SCAF8: variants seen among roughly 807,000 people sequenced by gnomAD.
SCAF8 encodes the protein SR-related CTD associated factor 8.
In SCAF8, 23 loss-of-function variants were observed where a neutral mutation model predicts 140.5. The ratio of observed to expected loss-of-function variants is 0.16; its 90% CI spans 0.12 to 0.23. SCAF8 has a LOEUF of 0.23. SCAF8 is among the 10% of genes least tolerant of loss of function. The probability of loss-of-function intolerance (pLI) is 1.00; values close to 1 mark genes in which losing one functional copy is unlikely to be tolerated. For synonymous variants in SCAF8, 575 were observed against 528.9 expected (o/e 1.09, Z -1.20); for missense variants, 1,397 against 1,555.7 (o/e 0.90, Z 1.72).
chr6:154,778,600 A>T (rs1018971288), intron 3 of SCAF8, among the ~76,000 whole-genome samples: 2 of 152,152 alleles, frequency 1.3e-5, no homozygotes, highest in African/African-American at 4.8e-5. Flanking sequence ...CTGTGTGTTT[A>T]CTAAAAGTAC....
At chr6:154,766,346 A>G (rs1159015070) in intron 1 of SCAF8, among the ~76,000 whole-genome samples, 1 of 152,136 alleles carries the variant, frequency 6.6e-6, no homozygotes, top group Admixed American at 6.6e-5. Context: ...CATTTCTCTA[A>G]AAATGTTTCT....
chr6:154,735,012 T>C (rs1327730481), intron 1 of SCAF8, among the ~76,000 whole-genome samples: 1 of 151,600 alleles, frequency 6.6e-6, no homozygotes, highest in Non-Finnish European at 1.5e-5. Flanking sequence ...TAATCCCAGC[T>C]ACTTAGGAGG....
At chr6:154,815,300 A>T (rs181239759) in intron 12 of SCAF8, among the ~76,000 whole-genome samples, 52 of 152,324 alleles carry the variant, frequency 3.4e-4, no homozygotes, top group African/African-American at 1.1e-3. Flanking sequence ...CCGTCTCAAA[A>T]AAATAAATAA....
At chr6:154,749,092 GC>G (rs1290209837) in intron 1 of SCAF8, among the ~76,000 whole-genome samples, 2 of 152,038 alleles carry the variant, frequency 1.3e-5, no homozygotes, top group African/African-American at 4.8e-5. Flanking sequence ...TGGGCATGGC[GC>G]CACCATCCTT....
chr6:154,778,477 T>C (rs1776979197), intron 3 of SCAF8, among the ~76,000 whole-genome samples: 1 of 152,152 alleles, frequency 6.6e-6, no homozygotes, highest in Non-Finnish European at 1.5e-5. Flanking sequence ...AAATATAGTA[T>C]TGATAGGCTG....
chr6:154,744,662 A>G (rs1778652324), intron 1 of SCAF8, among the ~76,000 whole-genome samples: 1 of 152,146 alleles, frequency 6.6e-6, no homozygotes, highest in South Asian at 2.1e-4. Flanking sequence ...GTAAAGGGGA[A>G]CCATCATTCA....
intron 1 of SCAF8, among the ~76,000 whole-genome samples, chr6:154,770,033 A>G (rs183012509): frequency 6.6e-6 from 1 of 152,256 alleles, no homozygotes; most frequent in Admixed American, 6.5e-5. Context: ...GAAGACGGGC[A>G]TACCGGTAGA....
chr6:154,734,846 C>T (rs995694751), intron 1 of SCAF8, among the ~76,000 whole-genome samples: 3 of 152,210 alleles, frequency 2.0e-5, no homozygotes, highest in Admixed American at 2.0e-4. Context: ...TAATTATGGC[C>T]GGGAACAGTG....
intron 1 of SCAF8, among the ~76,000 whole-genome samples, chr6:154,747,896 C>CTGTGCG (rs1040816970): frequency 5.5e-5 from 8 of 144,642 alleles, no homozygotes; most frequent in African/African-American, 2.0e-4. Flanking sequence ...CATTTCATTT[C>CTGTGCG]TGTGTGTGTG....
intron 1 of SCAF8, among the ~76,000 whole-genome samples, chr6:154,761,067 G>T (rs114201167): frequency 0.051 from 7,698 of 152,042 alleles, 249 homozygotes; most frequent in Non-Finnish European, 0.065. Context: ...CTCCCAGAGT[G>T]GTGTTGGGAT....
At chr6:154,746,371 TTAG>T (rs1562423637) in intron 1 of SCAF8, among the ~76,000 whole-genome samples, 1 of 152,216 alleles carries the variant, frequency 6.6e-6, no homozygotes, top group Non-Finnish European at 1.5e-5. Flanking sequence ...CTAGTTTCTT[TTAG>T]TGTGTGTATA....
chr6:154,779,775 G>GTA lies in SCAF8; in HGVS notation c.159+1731_159+1732insAT, dbSNP rs1356105211. Among the ~76,000 whole-genome samples, 359 of 91,852 alleles carry GTA rather than the reference G, an allele frequency of 3.9e-3. 6 individuals are homozygous for GTA. Among genetic ancestry groups the GTA allele is most frequent in the Non-Finnish European group, 6.1e-4 (32 of 52,606 alleles). 60.3% of individuals were successfully genotyped at this position (91,852 alleles called of 152,430 possible). ...TAAAATAAGGTGTGTGTGTGTGTGT[G>GTA]TGTGTGTATATATATATATATATAT... On this transcript the variant is annotated intron_variant, in intron 3 of 19. Coordinates refer to ENST00000367178, the MANE Select transcript of SCAF8 (RefSeq NM_014892.5).
rs1233098635 is a variant in SCAF8 at position 154,818,526 on chromosome 6, A to G, written c.1569A>G (p.Gln523=). 1.2e-6 allele frequency: 2 copies of G among 1,610,136 alleles called. No individual in the cohort carries two copies. The highest frequency in any genetic ancestry group is 1.7e-5 in the Admixed American group (1 of 59,342). ...GCAYVCMVHR[Q]DAFRALQKLS... The stretch of plus-strand genomic sequence containing the variant: ...CTTATGTCTGCATGGTTCATCGACA[A>G]GATGCATTTCGAGCTCTTCAGAAAC... Residue 523 remains glutamine, a synonymous_variant, in exon 14 of 20, where the codon CAA becomes CAG. Coordinates refer to ENST00000367178, the MANE Select transcript of SCAF8 (RefSeq NM_014892.5).
At chr6:154,796,761 C>T (rs139209314) in intron 6 of SCAF8, among the ~76,000 whole-genome samples, 39 of 152,160 alleles carry the variant, frequency 2.6e-4, no homozygotes, top group African/African-American at 9.4e-4. Context: ...TCACTTGAGG[C>T]CAGGAGTTGA....
chr6:154,734,121 G>C (rs1778343277), intron 1 of SCAF8, among the ~76,000 whole-genome samples, 191 bp downstream of exon 1: 1 of 152,188 alleles, frequency 6.6e-6, no homozygotes, highest in Middle Eastern at 3.2e-3. Context: ...AGGAGGGTTG[G>C]GGGAGGGCCG....
intron 2 of SCAF8, among the ~76,000 whole-genome samples, chr6:154,776,767 A>C (rs1416619570): frequency 6.6e-6 from 1 of 152,214 alleles, no homozygotes; most frequent in Non-Finnish European, 1.5e-5. Flanking sequence ...ATATGAGTTC[A>C]TGATGTTTTC....
chr6:154,822,083 G>C (rs1161040194), intron 15 of SCAF8, 193 bp from the exon 16 acceptor site: 2 of 428,446 alleles, frequency 4.7e-6, no homozygotes, highest in Non-Finnish European at 8.1e-6. Context: ...CATGTTTCAT[G>C]GTTTTTTGAA....
At position 154,831,011 on chromosome 6, in the gene SCAF8, A is replaced by G. The variant is rs1778714495; in HGVS notation, c.2230A>G (p.Ser744Gly). ...TGTTATACCAGGCGGTTCTGTTGCC[A>G]GCAATCTTGCTACTTCCGCTCTGCC... ...SLVIPGGSVA[S>G]NLATSALPAG... The change falls in exon 19 of 20, where the codon AGC becomes GGC. Residue 744 changes from serine to glycine, a missense_variant. Coordinates refer to ENST00000367178, the MANE Select transcript of SCAF8 (RefSeq NM_014892.5). 3 of 1,613,992 alleles carry G rather than the reference A, an allele frequency of 1.9e-6. No individual in the cohort carries two copies. The highest frequency in any genetic ancestry group is 2.5e-6 in the Non-Finnish European group (3 of 1,179,980).
intron 1 of SCAF8, among the ~76,000 whole-genome samples, chr6:154,747,896 C>CTGTGTGTGTGTGTGTGTG (rs71021073): frequency 2.8e-5 from 4 of 144,736 alleles, no homozygotes; most frequent in Admixed American, 6.9e-5. Context: ...CATTTCATTT[C>CTGTGTGTGTGTGTGTGTG]TGTGTGTGTG....
Sources: gnomAD v4.1 joint callset for allele counts (sites outside exome capture counted in the v4.1 genomes callset) on GRCh38, gnomAD v4.1.1 for gene constraint, MANE v1.5 for transcripts, NCBI Gene and HGNC (gene_info 2026-07-23, HGNC 2026-07-21) for gene names.